Variants in CCDC50 observed in about 807,000 individuals in gnomAD.
The protein encoded by CCDC50 is coiled-coil domain containing 50, also known as coiled-coil domain-containing protein 50.
Under a neutral mutation model 70.2 loss-of-function variants are expected in CCDC50, and 54 were observed. That is an observed-to-expected ratio of 0.77 (90% CI 0.62 to 0.96). The LOEUF is 0.96. Ranked by LOEUF, CCDC50 falls within the 50% of genes least tolerant of loss-of-function variation. The pLI, the probability that CCDC50 is intolerant of heterozygous loss-of-function variation, is 0.00. For missense variants in CCDC50, 558 were observed against 578.7 expected (o/e 0.96, Z 0.37); for synonymous variants, 216 against 198.8 (o/e 1.09, Z -0.73).
intron 1 of CCDC50, among the ~76,000 whole-genome samples, chr3:191,350,520 T>G (rs1277585434): frequency 7.0e-6 from 1 of 142,284 alleles, no homozygotes; most frequent in Non-Finnish European, 1.6e-5. Context: ...TCATGGCAAT[T>G]GTAATTTCCG....
rs1713784234 is a variant in CCDC50 at position 191,394,088 on chromosome 3, AC to A, written c.*2330del. The A allele has an allele frequency of 6.6e-6, 1 of 152,118 alleles. No homozygotes were observed. The highest frequency in any genetic ancestry group is 1.5e-5 in the Non-Finnish European group (1 of 68,010). The allele number at this position is 152,118 out of a possible 1,614,324, so 9.4% of individuals were successfully genotyped here. ...AAAAAAGTCGGACCACTTAACACTTACCAGGAATGTTAGTGTTTCAGCTGTT... is the reference window on the plus strand; with the variant it reads ...AAAAAAGTCGGACCACTTAACACTTACAGGAATGTTAGTGTTTCAGCTGTT... On this transcript the variant is annotated 3_prime_UTR_variant, in exon 12 of 12. Transcript: ENST00000392455.
intron 1 of CCDC50, among the ~76,000 whole-genome samples, chr3:191,352,863 A>G (rs1397107791): frequency 7.0e-6 from 1 of 142,268 alleles, no homozygotes; most frequent in East Asian, 1.9e-4. Flanking sequence ...GATGTTTGAC[A>G]TATTAGTGTG....
At chr3:191,351,602 G>A (rs1186416848) in intron 1 of CCDC50, among the ~76,000 whole-genome samples, 1 of 141,034 alleles carries the variant, frequency 7.1e-6, no homozygotes, top group East Asian at 1.9e-4. Context: ...AAAAAGGTGT[G>A]TGAGGAGAAA....
rs183778922 is a variant in CCDC50, at chr3:191,370,461, G to A, written c.448+425G>A. On this transcript the variant is annotated intron_variant, in intron 5 of 11. Transcript: ENST00000392455. ...TTCCCACCTGTGAGTGAGAACATGC[G>A]GTGGTTTTTTTTGTTTGTTTTTTTG... 6.9e-5 allele frequency among the ~76,000 whole-genome samples: 10 copies of A among 144,476 alleles called. No individual in the cohort carries two copies. In the East Asian group the frequency reaches 1.2e-3, roughly 18 times the overall value. The allele number at this position is 144,476 out of a possible 152,430, so 94.8% of individuals were successfully genotyped here.
chr3:191,386,782 A>T (rs1217015356), intron 10 of CCDC50, among the ~76,000 whole-genome samples: 2 of 152,314 alleles, frequency 1.3e-5, no homozygotes, highest in South Asian at 2.1e-4. Flanking sequence ...GAGGTGAAAG[A>T]TCTCTATGAG....
At chr3:191,345,022 A>G (rs1032318352) in intron 1 of CCDC50, among the ~76,000 whole-genome samples, 1 of 152,218 alleles carries the variant, frequency 6.6e-6, no homozygotes. Context: ...TGATGGGAAT[A>G]GAAAGACAGA....
chr3:191,342,836 A>C (rs541271405), intron 1 of CCDC50, among the ~76,000 whole-genome samples: 33 of 152,344 alleles, frequency 2.2e-4, no homozygotes, highest in African/African-American at 7.9e-4. Flanking sequence ...AAAATTGTCT[A>C]CTACTGCTTA....
At chr3:191,346,068 C>G (rs1024059208) in intron 1 of CCDC50, among the ~76,000 whole-genome samples, 2 of 152,156 alleles carry the variant, frequency 1.3e-5, no homozygotes, top group Non-Finnish European at 2.9e-5. Context: ...TCATATTTCT[C>G]TTCTTACATT....
intron 6 of CCDC50, among the ~76,000 whole-genome samples, chr3:191,376,045 A>AT (rs1713102289): frequency 1.3e-5 from 2 of 152,188 alleles, no homozygotes; most frequent in African/African-American, 4.8e-5. Flanking sequence ...CATCTTTCTC[A>AT]TTTGTAAAAT....
rs1326720867 is a variant in CCDC50, at chr3:191,398,247, GGTTT to G, written c.*6492_*6495del. ...CATCTATGCAAACTTGTGTTTTCATGGTTTGTTTTTTACACTATATTTCTCATTA... is the reference window on the plus strand; with the variant it reads ...CATCTATGCAAACTTGTGTTTTCATGGTTTTTTACACTATATTTCTCATTA... On this transcript the variant is annotated 3_prime_UTR_variant, in exon 12 of 12. Transcript: ENST00000392455. 3 of 152,020 alleles carry G rather than the reference GGTTT, an allele frequency of 2.0e-5. No individual in the cohort carries two copies. The highest frequency in any genetic ancestry group is 4.4e-5 in the Non-Finnish European group (3 of 67,978). The allele number at this position is 152,020 out of a possible 1,614,324, so 9.4% of individuals were successfully genotyped here. A position where few individuals can be genotyped will look rare whatever the true frequency, so the allele number is the denominator to read the frequency against.
chr3:191,388,787 G>A (rs769051276), intron 10 of CCDC50, among the ~76,000 whole-genome samples: 4 of 152,196 alleles, frequency 2.6e-5, no homozygotes, highest in South Asian at 4.1e-4. Context: ...ATAATCTGGT[G>A]CTATCCTTTA....
At chr3:191,346,439 G>A (rs180945852) in intron 1 of CCDC50, among the ~76,000 whole-genome samples, 6 of 152,270 alleles carry the variant, frequency 3.9e-5, no homozygotes. Context: ...GAAAAGTCAA[G>A]TATTTCAAAT....
intron 1 of CCDC50, among the ~76,000 whole-genome samples, chr3:191,342,848 A>G (rs969487454): frequency 6.6e-6 from 1 of 152,256 alleles, no homozygotes; most frequent in African/African-American, 2.4e-5. Flanking sequence ...TACTGCTTAT[A>G]TAATGGTATT....
intron 3 of CCDC50, among the ~76,000 whole-genome samples, chr3:191,360,138 A>G (rs1045272374): frequency 1.3e-5 from 2 of 152,232 alleles, no homozygotes; most frequent in Non-Finnish European, 2.9e-5. Context: ...CCTTTTATTC[A>G]GTCTGGATAC....
intron 10 of CCDC50, among the ~76,000 whole-genome samples, chr3:191,383,873 T>C (rs1008414828): frequency 6.6e-6 from 1 of 152,180 alleles, no homozygotes; most frequent in Non-Finnish European, 1.5e-5. Flanking sequence ...GGTTAGTACA[T>C]TCCCAAAGTA....
intron 4 of CCDC50, among the ~76,000 whole-genome samples, chr3:191,361,423 C>T (rs1712483585): frequency 6.6e-6 from 1 of 152,168 alleles, no homozygotes; most frequent in Non-Finnish European, 1.5e-5. Flanking sequence ...ACTCTGCAAA[C>T]TTGGCTTAAC....
rs1385743845 is a variant in CCDC50, at chr3:191,348,131, G to A, written c.50-8957G>A. ...AAAGAAAATGATAGATGAGTCTGCT[G>A]TATGTTTGTGAGTCAGCTACATAGG... On this transcript the variant is annotated intron_variant, in intron 1 of 11. Coordinates refer to ENST00000392455, the MANE Select transcript of CCDC50 (RefSeq NM_178335.3). Among the ~76,000 whole-genome samples the A allele has an allele frequency of 1.4e-5, 2 of 142,312 alleles. 1 individual carries two copies. Among genetic ancestry groups the A allele is most frequent in the Non-Finnish European group, 3.2e-5 (2 of 63,114 alleles). The allele number at this position is 142,312 out of a possible 152,430, so 93.4% of individuals were successfully genotyped here.
intron 1 of CCDC50, among the ~76,000 whole-genome samples, chr3:191,340,599 A>T (rs1341599530): frequency 6.6e-6 from 1 of 152,200 alleles, no homozygotes. Flanking sequence ...TAATTACATA[A>T]TCTTCACATA....
At chr3:191,362,315 A>T (rs1357021814) in intron 4 of CCDC50, among the ~76,000 whole-genome samples, 1 of 151,726 alleles carries the variant, frequency 6.6e-6, no homozygotes. Flanking sequence ...TGTAGAGACG[A>T]GGTCTCACTA....
Sources: gnomAD v4.1 joint callset for allele counts (sites outside exome capture counted in the v4.1 genomes callset) on GRCh38, gnomAD v4.1.1 for gene constraint, MANE v1.5 for transcripts, NCBI Gene and HGNC (gene_info 2026-07-23, HGNC 2026-07-21) for gene names.